The following ZNG1A variants were observed in gnomAD, a reference collection of about 807,000 sequenced individuals.
ZNG1A encodes the protein Zn regulated GTPase metalloprotein activator 1A.
chr9:170,489 C>T, the ZNG1A span, among the ~76,000 whole-genome samples: 1 of 150,858 alleles, frequency 6.6e-6, no homozygotes, highest in Admixed American at 6.6e-5. Context: ...AGCTTTCAAG[C>T]GATTCTCCTG....
chr9:151,396 C>A, the ZNG1A span: 2 of 970,620 alleles, frequency 2.1e-6, no homozygotes, highest in Non-Finnish European at 2.4e-6. Context: ...GAGCTCCTGG[C>A]TGCCTGTTGC....
At chr9:171,705 T>A in the ZNG1A span, 1 of 268,902 alleles carries the variant, frequency 3.7e-6, no homozygotes, top group Non-Finnish European at 7.1e-6. Flanking sequence ...TGAACATTAA[T>A]AGATTTTGGT....
chr9:177,599 T>C, the ZNG1A span: 1 of 1,527,972 alleles, frequency 6.5e-7, no homozygotes, highest in Admixed American at 2.0e-5. Flanking sequence ...AAGAACAGCG[T>C]TTCAAAAAGG....
chr9:127,209 A>AT, the ZNG1A span, among the ~76,000 whole-genome samples: 1 of 152,060 alleles, frequency 6.6e-6, no homozygotes, highest in Non-Finnish European at 1.5e-5. Flanking sequence ...GTTCCAAGGT[A>AT]TAGTTTAAAT....
At chr9:150,127 T>TG in the ZNG1A span, 5 of 120,922 alleles carry the variant, frequency 4.1e-5, no homozygotes, top group African/African-American at 1.6e-4. Flanking sequence ...TTTTGTTTTT[T>TG]TTTTTTTTTT....
chr9:140,219 C>T, the ZNG1A span, among the ~76,000 whole-genome samples: 1 of 151,844 alleles, frequency 6.6e-6, no homozygotes, highest in Admixed American at 6.6e-5. Flanking sequence ...AGGGCACAGA[C>T]ACACAAAAAG....
At chr9:156,942 A>G in the ZNG1A span, among the ~76,000 whole-genome samples, 11 of 150,726 alleles carry the variant, frequency 7.3e-5, no homozygotes, top group Non-Finnish European at 1.6e-4. Context: ...CCACTGAAAT[A>G]TAGTTTCTTA....
chr9:128,762 A>G, the ZNG1A span, among the ~76,000 whole-genome samples: 11 of 150,532 alleles, frequency 7.3e-5, 1 homozygote, highest in African/African-American at 2.7e-4. Context: ...TTGTTTTGTC[A>G]TACTACCAGG....
At chr9:150,629 G>T in the ZNG1A span, 1 of 982,612 alleles carries the variant, frequency 1.0e-6, no homozygotes, top group Non-Finnish European at 1.2e-6. Flanking sequence ...AGATGCACTG[G>T]CAAGCACCAT....
the ZNG1A span, chr9:149,353 G>C: frequency 6.6e-6 from 1 of 150,628 alleles, no homozygotes; most frequent in Non-Finnish European, 1.5e-5. Flanking sequence ...ATAATACCAA[G>C]TTTTCTAGCC....
the ZNG1A span, chr9:172,425 CTT>C: frequency 2.2e-5 from 8 of 370,142 alleles, no homozygotes; most frequent in Non-Finnish European, 3.5e-5. Flanking sequence ...GCAGAGGAAA[CTT>C]TATCTGACCA....
At chr9:129,794 G>A in the ZNG1A span, among the ~76,000 whole-genome samples, 1 of 98,392 alleles carries the variant, frequency 1.0e-5, no homozygotes, top group Non-Finnish European at 2.6e-5. Context: ...AAAATTTGTG[G>A]AAGAAGGTAG....
At chr9:141,919 C>A in the ZNG1A span, among the ~76,000 whole-genome samples, 7 of 151,528 alleles carry the variant, frequency 4.6e-5, no homozygotes, top group African/African-American at 1.7e-4. Context: ...AGACTTTCAA[C>A]CAACAAAGAT....
the ZNG1A span, chr9:149,240 C>T: frequency 6.6e-6 from 1 of 151,716 alleles, no homozygotes; most frequent in Non-Finnish European, 1.5e-5. Flanking sequence ...TTCACTAACT[C>T]CTTGCTCCCT....
chr9:171,148 T>G, the ZNG1A span, among the ~76,000 whole-genome samples: 1 of 152,026 alleles, frequency 6.6e-6, no homozygotes, highest in Non-Finnish European at 1.5e-5. Flanking sequence ...ATAGCCTAAT[T>G]CAATACTACT....
chr9:128,732 T>C, the ZNG1A span, among the ~76,000 whole-genome samples: 3 of 150,400 alleles, frequency 2.0e-5, no homozygotes, highest in East Asian at 1.9e-4. Flanking sequence ...GTGGGATTTT[T>C]TGGGGGGTGT....
chr9:138,039 T>C, the ZNG1A span, among the ~76,000 whole-genome samples: 1 of 145,170 alleles, frequency 6.9e-6, no homozygotes, highest in African/African-American at 2.6e-5. Context: ...ACACAATTTA[T>C]AAGAATTTTT....
chr9:138,396 CT>C, the ZNG1A span, among the ~76,000 whole-genome samples: 24 of 90,532 alleles, frequency 2.7e-4, no homozygotes, highest in Admixed American at 3.9e-4. Context: ...TTCTTTCTTT[CT>C]TTTTTTTTTT....
the ZNG1A span, among the ~76,000 whole-genome samples, chr9:131,897 C>G: frequency 2.1e-5 from 3 of 142,958 alleles, no homozygotes; most frequent in Non-Finnish European, 4.5e-5. Context: ...TACCTTAGAC[C>G]AGGATTCCAG....
Sources: gnomAD v4.1 joint callset for allele counts (sites outside exome capture counted in the v4.1 genomes callset) on GRCh38, gnomAD v4.1.1 for gene constraint, MANE v1.5 for transcripts, NCBI Gene and HGNC (gene_info 2026-07-23, HGNC 2026-07-21) for gene names.